Variants in BMS1 observed in about 807,000 individuals in gnomAD.
BMS1 encodes the protein BMS1 ribosome biogenesis factor, also known as ribosome biogenesis protein BMS1 homolog.
BMS1 carries 53 observed loss-of-function variants against 138.7 expected under a neutral mutation model. That is an observed-to-expected ratio of 0.38 (90% CI 0.31 to 0.48). The LOEUF is 0.48. Among genes scored for constraint, BMS1 ranks in the 20% least tolerant of loss-of-function variants. The pLI is 0.97. For synonymous variants in BMS1, 504 were observed against 539.9 expected, an observed-to-expected ratio of 0.93 and a Z score of 0.92; for missense variants, 1,360 against 1,565.5, an observed-to-expected ratio of 0.87 and a Z score of 2.22.
rs1208162600 is a variant in BMS1, at chr10:42,791,667, A to C, written c.677A>C (p.Glu226Ala). ...LFYLSGMVHG[E>A]YQNQEIHNLG... ...TACCTTTCTGGAATGGTGCATGGAG[A>C]ATATCAAAACCAAGAAATCCACAAT... Residue 226 changes from glutamate to alanine, a missense_variant, in exon 6 of 23, where the codon GAA becomes GCA. By Grantham distance (107) the Glu-to-Ala change is moderately radical (BLOSUM62 -1). Transcript: ENST00000374518. 1 of 1,613,676 alleles carries C rather than the reference A, an allele frequency of 6.2e-7. No homozygotes were observed. Among genetic ancestry groups the C allele is most frequent in the African/African-American group, 1.3e-5 (1 of 74,910 alleles).
At chr10:42,800,774 G>T (rs1260870358) in intron 12 of BMS1, among the ~76,000 whole-genome samples, 1 of 152,056 alleles carries the variant, frequency 6.6e-6, no homozygotes, top group East Asian at 1.9e-4. Context: ...TGAGCCACGT[G>T]CCTCGGCCTC....
At chr10:42,785,790 T>C in intron 3 of BMS1, 118 bp downstream of exon 3, 1 of 1,155,830 alleles carries the variant, frequency 8.7e-7, no homozygotes, top group Non-Finnish European at 1.2e-6. Flanking sequence ...ATGGGACTTC[T>C]CTTATACTTA....
chr10:42,825,517 G>A (rs1176547917), intron 21 of BMS1, among the ~76,000 whole-genome samples: 1 of 151,478 alleles, frequency 6.6e-6, no homozygotes, highest in Non-Finnish European at 1.5e-5. Flanking sequence ...TCACCTTCTT[G>A]GTTAAGTTTA....
rs769586819 is a variant in BMS1, at chr10:42,820,497, C to T, written c.2770-11C>T. ...CCCTCCATCAATCATCTTACCCTCT[C>T]GTCCCCTCAGATGCGTCTGAAGAAA... is the stretch of plus-strand genomic sequence containing the variant. On this transcript the variant is annotated splice_polypyrimidine_tract_variant and intron_variant, in intron 16 of 22. Coordinates refer to ENST00000374518, the MANE Select transcript of BMS1 (RefSeq NM_014753.4). 12 of 1,610,862 alleles carry T rather than the reference C, an allele frequency of 7.4e-6. No homozygotes were observed. Among genetic ancestry groups the T allele is most frequent in the African/African-American group, 2.7e-5 (2 of 74,772 alleles).
intron 10 of BMS1, 75 bp from the exon 11 acceptor site, chr10:42,797,347 T>C: frequency 6.3e-7 from 1 of 1,585,182 alleles, no homozygotes; most frequent in Non-Finnish European, 8.6e-7. Context: ...GTTGAAAAGC[T>C]GCATTGTGGA....
chr10:42,823,571 C>T (rs1370296047), intron 20 of BMS1, 38 bp from the exon 21 acceptor site: 1 of 1,477,618 alleles, frequency 6.8e-7, no homozygotes, highest in Non-Finnish European at 9.0e-7. Flanking sequence ...TATGAATCTT[C>T]TTTTGAAAAT....
intron 13 of BMS1, among the ~76,000 whole-genome samples, chr10:42,814,225 T>C (rs1842269822): frequency 6.6e-6 from 1 of 152,228 alleles, no homozygotes; most frequent in African/African-American, 2.4e-5. Context: ...ATAACATAAA[T>C]GCGGGGTCTT....
intron 22 of BMS1, 73 bp from the exon 23 acceptor site, chr10:42,830,793 G>C: frequency 1.5e-6 from 2 of 1,329,314 alleles, no homozygotes; most frequent in African/African-American, 2.9e-5. Context: ...GTTGCCTCTA[G>C]TCTTAGTGCT....
chr10:42,804,470 G>C (rs527612149), intron 13 of BMS1, among the ~76,000 whole-genome samples: 3 of 152,216 alleles, frequency 2.0e-5, no homozygotes, highest in African/African-American at 7.2e-5. Flanking sequence ...TAGTTTTAGT[G>C]ACTAATGGTA....
chr10:42,796,715 G>C lies in BMS1; in HGVS notation c.1471G>C (p.Glu491Gln), dbSNP rs1030618774. The C allele has an allele frequency of 1.9e-6, 3 of 1,614,100 alleles. No individual in the cohort carries two copies. The highest frequency in any genetic ancestry group is 2.7e-5 in the African/African-American group (2 of 74,936). Reference sequence around the variant, plus strand: ...CATCAAACGACGGAAACTTGAGTTGGAAGAAGACAGTGAAATGGATTTGCC... The same window carrying C: ...CATCAAACGACGGAAACTTGAGTTGCAAGAAGACAGTGAAATGGATTTGCC... The part of the protein sequence containing the change: ...KGIKRRKLEL[E>Q]EDSEMDLPAF... The change falls in exon 10 of 23, where the codon GAA becomes CAA. Residue 491 changes from glutamate to glutamine, a missense_variant. Glu to Gln is a conservative substitution (Grantham distance 29). Coordinates refer to ENST00000374518, the MANE Select transcript of BMS1 (RefSeq NM_014753.4).
At chr10:42,798,396 C>T in intron 11 of BMS1, 72 bp from the exon 12 acceptor site, 2 of 1,578,676 alleles carry the variant, frequency 1.3e-6, no homozygotes, top group Non-Finnish European at 1.7e-6. Flanking sequence ...CATGGCCTAA[C>T]TGGTTGAAAA....
At chr10:42,787,388 G>T in intron 4 of BMS1, 141 bp downstream of exon 4, 1 of 720,274 alleles carries the variant, frequency 1.4e-6, no homozygotes, top group South Asian at 1.5e-5. Context: ...AGATATGATT[G>T]AATTGATGAT....
chr10:42,818,477 A>G (rs2132372600), intron 15 of BMS1, among the ~76,000 whole-genome samples: 1 of 152,302 alleles, frequency 6.6e-6, no homozygotes, highest in East Asian at 1.9e-4. Flanking sequence ...GAGATGAGAG[A>G]AAGAGTCAAA....
At chr10:42,804,529 A>T (rs955865145) in intron 13 of BMS1, among the ~76,000 whole-genome samples, 1 of 152,146 alleles carries the variant, frequency 6.6e-6, no homozygotes. Flanking sequence ...TTCTTTGATG[A>T]AATATCTGTC....
intron 13 of BMS1, among the ~76,000 whole-genome samples, chr10:42,813,398 A>T (rs1842246282): frequency 6.6e-6 from 1 of 151,854 alleles, no homozygotes; most frequent in Non-Finnish European, 1.5e-5. Context: ...TGTTGCGTGT[A>T]TCTCTTTGTA....
intron 13 of BMS1, among the ~76,000 whole-genome samples, chr10:42,814,938 T>C (rs995457866): frequency 6.6e-6 from 1 of 152,156 alleles, no homozygotes; most frequent in African/African-American, 2.4e-5. Flanking sequence ...TGGGAAACTC[T>C]GGGCCTGGTC....
chr10:42,785,613 T>A lies in BMS1; in HGVS notation c.308T>A (p.Ile103Asn), dbSNP rs1345803758. 2 of 1,613,932 alleles carry A rather than the reference T, an allele frequency of 1.2e-6. No individual in the cohort carries two copies. The highest frequency in any genetic ancestry group is 1.7e-6 in the Non-Finnish European group (2 of 1,179,848). Reference sequence around the variant, plus strand: ...AAGAGCACTTTGATACAATGCCTCATTCGGAACTTTACCCGGCAGAAGTTG... The same window carrying A: ...AAGAGCACTTTGATACAATGCCTCAATCGGAACTTTACCCGGCAGAAGTTG... ...VGKSTLIQCL[I>N]RNFTRQKLTE... Residue 103 changes from isoleucine to asparagine, a missense_variant, in exon 3 of 23, where the codon ATT becomes AAT. Ile to Asn is a moderately radical substitution (Grantham distance 149). Around this residue, in one of 3 missense-constraint regions of BMS1, gnomAD observed 238 missense variants for 311.1 expected, o/e 0.77. Transcript: ENST00000374518.
chr10:42,816,765 A>G (rs1588747226), intron 14 of BMS1, 93 bp downstream of exon 14: 2 of 1,019,206 alleles, frequency 2.0e-6, no homozygotes, highest in East Asian at 2.6e-5. Context: ...ATGTGTGAAG[A>G]TTGCAGACTG....
intron 13 of BMS1, among the ~76,000 whole-genome samples, chr10:42,806,047 G>A (rs913128892): frequency 6.6e-6 from 1 of 152,150 alleles, no homozygotes; most frequent in African/African-American, 2.4e-5. Flanking sequence ...TGTGTGTTTG[G>A]AGGGGAGGGG....
Sources: allele counts gnomAD v4.1 joint callset (sites outside exome capture counted in the v4.1 genomes callset), GRCh38; gene constraint gnomAD v4.1.1; regional missense constraint gnomAD v4.1.1; transcripts MANE v1.5; gene names NCBI Gene and HGNC (gene_info 2026-07-23, HGNC 2026-07-21).